The following KLC1 variants were observed in gnomAD, a reference collection of about 807,000 sequenced individuals.
The protein encoded by KLC1 is kinesin 2 60/70kDa.
KLC1 carries 30 observed loss-of-function variants against 84.2 expected under a neutral mutation model. That is an observed-to-expected ratio of 0.36 (90% CI 0.27 to 0.48). The LOEUF is 0.48. Ranked by LOEUF, KLC1 falls within the 20% of genes least tolerant of loss-of-function variation. The pLI is 0.99. For missense variants in KLC1, 499 were observed against 805.4 expected (o/e 0.62, Z 4.60); for synonymous variants, 289 against 293.3 (o/e 0.99, Z 0.15).
At chr14:103,643,571 G>A (rs986899468) in intron 1 of KLC1, among the ~76,000 whole-genome samples, 19 of 152,270 alleles carry the variant, frequency 1.2e-4, no homozygotes, top group African/African-American at 3.6e-4. Flanking sequence ...CAAGGTGGTC[G>A]GGGCACAGCT....
chr14:103,679,164 G>A (rs1273895717), intron 12 of KLC1: 3 of 613,908 alleles, frequency 4.9e-6, no homozygotes, highest in Non-Finnish European at 8.6e-6. Flanking sequence ...TACACACCCT[G>A]TGCAATCCCA....
chr14:103,700,279 C>T (rs1256793816), intron 15 of KLC1: 2 of 231,434 alleles, frequency 8.6e-6, no homozygotes, highest in East Asian at 1.2e-4. Flanking sequence ...CAGCCCTGTG[C>T]CCACCAGCTC....
chr14:103,678,746 AT>A (rs1419080132), intron 12 of KLC1, among the ~76,000 whole-genome samples: 1 of 152,118 alleles, frequency 6.6e-6, no homozygotes, highest in East Asian at 1.9e-4. Context: ...AGGGGAAGAT[AT>A]TTGCAAATGA....
intron 15 of KLC1, 52 bp downstream of exon 15, chr14:103,692,477 G>C (rs2082176997): frequency 3.4e-6 from 5 of 1,492,276 alleles, no homozygotes; most frequent in Middle Eastern, 1.7e-4. Flanking sequence ...CACGCTGGCA[G>C]GTCTGCTGCA....
intron 3 of KLC1, among the ~76,000 whole-genome samples, chr14:103,658,449 T>A (rs1419818011): frequency 1.6e-4 from 24 of 145,930 alleles, no homozygotes; most frequent in Non-Finnish European, 3.2e-4. Flanking sequence ...TTTTTTTTTT[T>A]TTTTTAGTAG....
At chr14:103,640,418 T>C (rs1215254275) in intron 1 of KLC1, among the ~76,000 whole-genome samples, 1 of 150,558 alleles carries the variant, frequency 6.6e-6, no homozygotes, top group Non-Finnish European at 1.5e-5. Context: ...TGGAGTGCAG[T>C]GGCGCGATCT....
At chr14:103,700,532 C>A in intron 15 of KLC1, 123 bp from the exon 16 acceptor site, 2 of 741,558 alleles carry the variant, frequency 2.7e-6, no homozygotes, top group South Asian at 1.7e-5. Context: ...TGCTAAGGGG[C>A]CCCTAGGCTG....
At chr14:103,699,359 C>T (rs765853123) in intron 15 of KLC1, 1 of 1,599,884 alleles carries the variant, frequency 6.3e-7, no homozygotes, top group Non-Finnish European at 8.5e-7. Flanking sequence ...TGCCTTGGTG[C>T]TCACCTGGTT....
At chr14:103,661,762 T>A (rs2079313697) in intron 3 of KLC1, among the ~76,000 whole-genome samples, 1 of 152,144 alleles carries the variant, frequency 6.6e-6, no homozygotes, top group African/African-American at 2.4e-5. Flanking sequence ...CATTTTCACC[T>A]GTTGCTACAT....
chr14:103,645,479 C>A (rs944967470), intron 1 of KLC1, among the ~76,000 whole-genome samples: 3 of 152,130 alleles, frequency 2.0e-5, no homozygotes, highest in Admixed American at 6.6e-5. Context: ...TTTAAAGCAT[C>A]CACCTAATGC....
At chr14:103,690,118 T>C (rs569465165) in intron 14 of KLC1, among the ~76,000 whole-genome samples, 47 of 151,802 alleles carry the variant, frequency 3.1e-4, no homozygotes, top group African/African-American at 1.1e-3. Flanking sequence ...AGGGCAGAGG[T>C]TGCAGTGAGC....
chr14:103,649,147 A>G (rs1211841345), intron 1 of KLC1, among the ~76,000 whole-genome samples: 1 of 151,850 alleles, frequency 6.6e-6, no homozygotes, highest in African/African-American at 2.4e-5. Flanking sequence ...AAAAAAAAAC[A>G]AAGAAACAGT....
rs1404709980 is a variant in KLC1, at chr14:103,699,181, T to C, written c.1849-1474T>C. 5.1e-6 allele frequency: 8 copies of C among 1,561,812 alleles called. No individual in the cohort carries two copies. The highest frequency in any genetic ancestry group is 2.4e-5 in the East Asian group (1 of 42,308). On this transcript the variant is annotated intron_variant, in intron 15 of 16. Transcript: ENST00000334553. ...CTGCTCCTCCATGGCCTCTGTCACC[T>C]GGAAGAGCACAGTCCAGGTCAGCTG...
chr14:103,700,639 T>C lies in KLC1; in HGVS notation c.1849-16T>C, dbSNP rs1409432843. The C allele has an allele frequency of 5.6e-6, 9 of 1,602,884 alleles. No individual in the cohort carries two copies. Among genetic ancestry groups the C allele is most frequent in the African/African-American group, 1.3e-5 (1 of 74,206 alleles). On this transcript the variant is annotated splice_polypyrimidine_tract_variant and intron_variant, in intron 15 of 16. Transcript: ENST00000334553. ...CTGCACGCCCTGAGTGAAACTCGTC[T>C]GTGCTTCATCTCCAGGGCGTCTCTG...
At chr14:103,682,827 G>A (rs1187259041) in intron 13 of KLC1, 2 of 145,000 alleles carry the variant, frequency 1.4e-5, no homozygotes, top group Non-Finnish European at 3.0e-5. Context: ...CCAGGCTGGA[G>A]TTAGGTGGCA....
intron 1 of KLC1, among the ~76,000 whole-genome samples, chr14:103,644,011 C>T (rs970611559): frequency 4.6e-5 from 7 of 151,878 alleles, no homozygotes; most frequent in South Asian, 2.1e-4. Flanking sequence ...GTCAGGAGAT[C>T]GAGACCATCC....
chr14:103,688,779 A>C (rs2081934083), intron 14 of KLC1, among the ~76,000 whole-genome samples: 1 of 152,194 alleles, frequency 6.6e-6, no homozygotes, highest in Admixed American at 6.5e-5. Flanking sequence ...GGAGCCCCAC[A>C]AATGTTCATT....
At chr14:103,661,843 C>T (rs999484638) in intron 3 of KLC1, among the ~76,000 whole-genome samples, 3 of 152,190 alleles carry the variant, frequency 2.0e-5, no homozygotes, top group African/African-American at 4.8e-5. Context: ...CCTCAAAGCG[C>T]GGGAGAAGGA....
rs1032476659 is a variant in KLC1 at position 103,677,316 on chromosome 14, C to G, written c.1380-99C>G. The stretch of plus-strand genomic sequence containing the variant: ...AGAGAAAGTTAAAATATATTCAAGC[C>G]AAAACAGAAGTCTGTTAGTTCTTTA... On this transcript the variant is annotated intron_variant, in intron 11 of 16. Transcript: ENST00000334553. The G allele has an allele frequency of 9.1e-6, 7 of 770,058 alleles. No homozygotes were observed. The African/African-American group carries it at 1.2e-4, about 14-fold the overall frequency. The allele number at this position is 770,058 out of a possible 1,614,324, so 47.7% of individuals were successfully genotyped here.
Sources: allele counts gnomAD v4.1 joint callset (sites outside exome capture counted in the v4.1 genomes callset), GRCh38; gene constraint gnomAD v4.1.1; transcripts MANE v1.5; gene names NCBI Gene and HGNC (gene_info 2026-07-23, HGNC 2026-07-21).